Variants in MGAT5 observed in about 807,000 individuals in gnomAD.
The protein encoded by MGAT5 is alpha-1,6-mannosylglycoprotein 6-beta-N-acetylglucosaminyltransferase A.
In MGAT5, 30 loss-of-function variants were observed where a neutral mutation model predicts 94.3. That is an observed-to-expected ratio of 0.32 (90% CI 0.24 to 0.43). MGAT5 has a LOEUF of 0.43. Ranked by LOEUF, MGAT5 falls within the 20% of genes least tolerant of loss-of-function variation. The pLI is 1.00. For synonymous variants in MGAT5, 310 were observed against 322.9 expected (o/e 0.96, Z 0.43); for missense variants, 691 against 905.5 (o/e 0.76, Z 3.04).
At chr2:134,130,140 T>C (rs972411080) in intron 1 of MGAT5, among the ~76,000 whole-genome samples, 3 of 151,676 alleles carry the variant, frequency 2.0e-5, no homozygotes, top group Non-Finnish European at 2.9e-5. Context: ...AATTCTCGCC[T>C]GGCCTCAGCC....
intron 2 of MGAT5, among the ~76,000 whole-genome samples, chr2:134,289,176 C>T (rs955209283): frequency 7.2e-5 from 11 of 152,274 alleles, no homozygotes; most frequent in Admixed American, 4.6e-4. Flanking sequence ...GGTTGGGCAC[C>T]GCAGTGTGCC....
At chr2:134,240,047 A>T (rs1681886846) in intron 1 of MGAT5, among the ~76,000 whole-genome samples, 1 of 152,146 alleles carries the variant, frequency 6.6e-6, no homozygotes, top group African/African-American at 2.4e-5. Flanking sequence ...TATTCTTGAT[A>T]TGAAGATGAA....
At chr2:134,393,074 C>T (rs1401577985) in intron 10 of MGAT5, among the ~76,000 whole-genome samples, 4 of 152,210 alleles carry the variant, frequency 2.6e-5, no homozygotes, top group African/African-American at 7.2e-5. Context: ...TTAAAAATCT[C>T]ATTTGTTTCC....
chr2:134,294,720 A>G (rs1474628604), intron 2 of MGAT5, among the ~76,000 whole-genome samples: 2 of 152,314 alleles, frequency 1.3e-5, no homozygotes, highest in African/African-American at 4.8e-5. Flanking sequence ...AGCTCCCACA[A>G]TTTAGCCTAA....
chr2:134,390,677 C>T (rs1201860374), intron 10 of MGAT5, among the ~76,000 whole-genome samples: 1 of 152,218 alleles, frequency 6.6e-6, no homozygotes, highest in Non-Finnish European at 1.5e-5. Context: ...AGGAGTCTGT[C>T]TTAACAAACA....
chr2:134,375,574 C>A (rs926685801), intron 10 of MGAT5, among the ~76,000 whole-genome samples: 1 of 152,158 alleles, frequency 6.6e-6, no homozygotes, highest in African/African-American at 2.4e-5. Context: ...TTCTTGTCAT[C>A]CAGAACCAAT....
intron 2 of MGAT5, among the ~76,000 whole-genome samples, chr2:134,297,591 A>G (rs181059921): frequency 1.8e-4 from 27 of 152,332 alleles, no homozygotes; most frequent in African/African-American, 6.3e-4. Flanking sequence ...AACATTCAGA[A>G]ATCTATTAAT....
intron 1 of MGAT5, among the ~76,000 whole-genome samples, chr2:134,266,115 C>T (rs1389042117): frequency 7.1e-6 from 1 of 141,234 alleles, no homozygotes; most frequent in Non-Finnish European, 1.5e-5. Flanking sequence ...GAGCTGAAAT[C>T]GTGCCACTGC....
intron 2 of MGAT5, among the ~76,000 whole-genome samples, chr2:134,315,623 A>G (rs1686954480): frequency 6.6e-6 from 1 of 152,220 alleles, no homozygotes; most frequent in Non-Finnish European, 1.5e-5. Context: ...GGAATTACAT[A>G]GCAAATGCCA....
At chr2:134,273,418 C>G (rs189644888) in intron 2 of MGAT5, among the ~76,000 whole-genome samples, 1 of 152,166 alleles carries the variant, frequency 6.6e-6, no homozygotes, top group Non-Finnish European at 1.5e-5. Flanking sequence ...TGGAGACATG[C>G]GGTAATTGCT....
intron 1 of MGAT5, among the ~76,000 whole-genome samples, chr2:134,206,223 C>T (rs1349313735): frequency 9.9e-5 from 15 of 152,120 alleles, no homozygotes; most frequent in Non-Finnish European, 2.9e-5. Flanking sequence ...CTGTGATCAG[C>T]GAGAGGAAAG....
At chr2:134,225,722 TG>T (rs2105371748) in intron 1 of MGAT5, among the ~76,000 whole-genome samples, 1 of 152,306 alleles carries the variant, frequency 6.6e-6, no homozygotes, top group African/African-American at 2.4e-5. Context: ...AGTAAGACAC[TG>T]CTTCTACATT....
At chr2:134,443,981 G>A (rs1419105161) in intron 15 of MGAT5, among the ~76,000 whole-genome samples, 1 of 152,188 alleles carries the variant, frequency 6.6e-6, no homozygotes, top group Non-Finnish European at 1.5e-5. Context: ...TGTGCTCAGG[G>A]TCTGGCTCAG....
In MGAT5 at chr2:134,445,265, C is replaced by T. The variant is rs1261251026; in HGVS notation, c.2027+3350C>T. Among the ~76,000 whole-genome samples the T allele has an allele frequency of 3.9e-5, 6 of 152,104 alleles. No individual in the cohort carries two copies. In the East Asian group the frequency reaches 9.7e-4, roughly 25 times the overall value. On this transcript the variant is annotated intron_variant, in intron 15 of 15. Transcript: ENST00000281923. ...ATCAGGCAGGGCCAAGGGCAGAAGTCATCCAGGGACTCTGGCAAGACCCTG... is the reference window on the plus strand; with the variant it reads ...ATCAGGCAGGGCCAAGGGCAGAAGTTATCCAGGGACTCTGGCAAGACCCTG...
intron 1 of MGAT5, among the ~76,000 whole-genome samples, chr2:134,198,637 C>G (rs1475817062): frequency 6.6e-6 from 1 of 152,184 alleles, no homozygotes; most frequent in Non-Finnish European, 1.5e-5. Context: ...GTGGTCAAAA[C>G]TACCTGGAGA....
intron 7 of MGAT5, among the ~76,000 whole-genome samples, chr2:134,343,883 T>A (rs1488926628): frequency 7.1e-6 from 1 of 141,440 alleles, no homozygotes; most frequent in African/African-American, 2.5e-5. Context: ...TGAAAATGTA[T>A]GGCCTGCAAA....
chr2:134,235,108 C>T (rs1681566941), intron 1 of MGAT5, among the ~76,000 whole-genome samples: 1 of 152,124 alleles, frequency 6.6e-6, no homozygotes, highest in Non-Finnish European at 1.5e-5. Flanking sequence ...TGTCTTAGCT[C>T]AAGTTGTCTG....
In MGAT5 at chr2:134,173,152, A is replaced by C. The variant is rs563732797; in HGVS notation, c.-143+52861A>C. ...GATTTTTAATCTCTAAAAACATGAGATTTTTGTCTCAAATACAAGCATATT... is the reference window on the plus strand; with the variant it reads ...GATTTTTAATCTCTAAAAACATGAGCTTTTTGTCTCAAATACAAGCATATT... On this transcript the variant is annotated intron_variant, in intron 1 of 16. Transcript: ENST00000409645. Among the ~76,000 whole-genome samples, 86 of 152,252 alleles carry C rather than the reference A, an allele frequency of 5.6e-4. 1 individual carries two copies. The highest frequency in any genetic ancestry group is 2.0e-3 in the African/African-American group (85 of 41,548).
intron 11 of MGAT5, among the ~76,000 whole-genome samples, chr2:134,406,502 A>G (rs1683340800): frequency 6.6e-6 from 1 of 151,976 alleles, no homozygotes; most frequent in Admixed American, 6.5e-5. Context: ...GCTCCCTCTG[A>G]CTCATCTTAT....
Sources: gnomAD v4.1 joint callset for allele counts (sites outside exome capture counted in the v4.1 genomes callset) on GRCh38, gnomAD v4.1.1 for gene constraint, MANE v1.5 for transcripts, NCBI Gene and HGNC (gene_info 2026-07-23, HGNC 2026-07-21) for gene names.